The following ABCC9 variants were observed in gnomAD, a reference collection of about 807,000 sequenced individuals.
The protein encoded by ABCC9 is ATP-binding cassette sub-family C member 9.
In ABCC9, 95 loss-of-function variants were observed where a neutral mutation model predicts 188.3. That is an observed-to-expected ratio of 0.50 (90% CI 0.43 to 0.60). The LOEUF (loss-of-function observed/expected upper bound fraction) is 0.60. ABCC9 is among the 20% of genes least tolerant of loss of function. The pLI, the probability that ABCC9 is intolerant of heterozygous loss-of-function variation, is 0.00. For missense variants in ABCC9, 1,102 were observed against 1,876.3 expected (o/e 0.59, Z 7.62); for synonymous variants, 659 against 652.7 (o/e 1.01, Z -0.15).
At chr12:21,910,721 A>G (rs1227804140) in intron 9 of ABCC9, 105 bp downstream of exon 9, 2 of 1,028,586 alleles carry the variant, frequency 1.9e-6, no homozygotes, top group Non-Finnish European at 3.0e-6. Context: ...GTAATACCAA[A>G]ATGAAAATGG....
At chr12:21,918,382 C>T (rs189519733) in intron 5 of ABCC9, among the ~76,000 whole-genome samples, 1 of 152,026 alleles carries the variant, frequency 6.6e-6, no homozygotes, top group African/African-American at 2.4e-5. Flanking sequence ...CTTCTAACAT[C>T]TTCAGATTGT....
At chr12:21,803,926 T>C (rs1941661120) in intron 39 of ABCC9, among the ~76,000 whole-genome samples, 2 of 152,188 alleles carry the variant, frequency 1.3e-5, no homozygotes, top group African/African-American at 4.8e-5. Context: ...TAGTGGCAGC[T>C]AACCAAAGTA....
chr12:21,818,164 GAAGACCC>G lies in ABCC9; in HGVS notation c.3750_3756del (p.Leu1250PhefsTer7). On this transcript the variant is annotated frameshift_variant, in exon 32 of 40. Coordinates refer to ENST00000261200, the MANE Select transcript of ABCC9 (RefSeq NM_020297.4). LOFTEE classifies it high-confidence loss of function. The stretch of plus-strand genomic sequence containing the variant: ...TCCATACCTACCGTAAGTGCATACA[GAAGACCC>G]AAGCCTACCAATCCAGAATTCGAAG... 1 of 1,613,070 alleles carries G rather than the reference GAAGACCC, an allele frequency of 6.2e-7. No individual in the cohort carries two copies. Among genetic ancestry groups the G allele is most frequent in the Non-Finnish European group, 8.5e-7 (1 of 1,179,074 alleles).
intron 39 of ABCC9, among the ~76,000 whole-genome samples, chr12:21,804,320 A>C (rs1941692278): frequency 6.6e-6 from 1 of 152,212 alleles, no homozygotes; most frequent in Non-Finnish European, 1.5e-5. Flanking sequence ...ATACAGACTA[A>C]ATAGAACCAT....
intron 31 of ABCC9, among the ~76,000 whole-genome samples, chr12:21,826,344 C>G (rs908955915): frequency 6.6e-6 from 1 of 151,918 alleles, no homozygotes; most frequent in African/African-American, 2.4e-5. Context: ...ACCCTAGTCT[C>G]CAAGGTACTA....
At chr12:21,910,517 T>C (rs1029815610) in intron 9 of ABCC9, among the ~76,000 whole-genome samples, 1 of 151,906 alleles carries the variant, frequency 6.6e-6, no homozygotes, top group Non-Finnish European at 1.5e-5. Flanking sequence ...AATACAGACT[T>C]CCTTTTTTCT....
chr12:21,853,175 A>G (rs534401940), intron 22 of ABCC9, among the ~76,000 whole-genome samples: 2 of 152,104 alleles, frequency 1.3e-5, no homozygotes, highest in African/African-American at 4.8e-5. Flanking sequence ...TTAGCTGGGC[A>G]TGGTGTCGTG....
intron 4 of ABCC9, among the ~76,000 whole-genome samples, chr12:21,933,318 C>G (rs1291852756): frequency 6.6e-6 from 1 of 151,958 alleles, no homozygotes; most frequent in East Asian, 1.9e-4. Flanking sequence ...GTACAACAAA[C>G]CTCCGTGACT....
chr12:21,859,538 C>A (rs773786141), intron 22 of ABCC9, 48 bp downstream of exon 22: 1 of 1,567,262 alleles, frequency 6.4e-7, no homozygotes, highest in East Asian at 2.2e-5. Context: ...ACTCATTTGT[C>A]CAGATGGAAG....
intron 30 of ABCC9, among the ~76,000 whole-genome samples, chr12:21,830,577 T>C (rs908332132): frequency 2.0e-5 from 3 of 152,196 alleles, no homozygotes; most frequent in Non-Finnish European, 4.4e-5. Context: ...GAAGATATCC[T>C]GGGAGGGGTG....
chr12:21,931,820 C>G (rs1289346094), intron 4 of ABCC9, among the ~76,000 whole-genome samples: 2 of 152,130 alleles, frequency 1.3e-5, no homozygotes, highest in African/African-American at 4.8e-5. Context: ...CAGTTACCAA[C>G]AAGATAATAT....
At chr12:21,835,185 G>C (rs143292155) in intron 30 of ABCC9, among the ~76,000 whole-genome samples, 1 of 152,324 alleles carries the variant, frequency 6.6e-6, no homozygotes, top group Non-Finnish European at 1.5e-5. Context: ...AGATGTTGAA[G>C]TAAAGAGCCA....
chr12:21,872,823 A>G lies in ABCC9; in HGVS notation c.2093-93T>C. 3.0e-6 allele frequency: 3 copies of G among 996,912 alleles called. No individual in the cohort carries two copies. In the South Asian group the frequency reaches 3.8e-5, roughly 13 times the overall value. The allele number at this position is 996,912 out of a possible 1,614,324, so 61.8% of individuals were successfully genotyped here. Reference sequence around the variant, plus strand: ...ATTTAGAAAAAGCTAATGTTTTACAATCAATGGCCCAGTTTTGATCTCCAG... The same window carrying G: ...ATTTAGAAAAAGCTAATGTTTTACAGTCAATGGCCCAGTTTTGATCTCCAG... On this transcript the variant is annotated intron_variant, in intron 17 of 39. Transcript: ENST00000261200.
intron 36 of ABCC9, among the ~76,000 whole-genome samples, chr12:21,810,884 G>C (rs1037860121): frequency 3.3e-5 from 5 of 152,122 alleles, no homozygotes; most frequent in Admixed American, 6.5e-5. Flanking sequence ...TTACAATAAA[G>C]AGTAATTAGT....
At chr12:21,908,762 C>A (rs148475341) in intron 10 of ABCC9, among the ~76,000 whole-genome samples, 1 of 151,920 alleles carries the variant, frequency 6.6e-6, no homozygotes, top group Non-Finnish European at 1.5e-5. Flanking sequence ...GACAAGAAGG[C>A]TGACGGTAAC....
intron 31 of ABCC9, among the ~76,000 whole-genome samples, chr12:21,825,829 G>A (rs980114032): frequency 2.0e-5 from 3 of 151,982 alleles, no homozygotes; most frequent in Non-Finnish European, 4.4e-5. Flanking sequence ...GATGAGGTTC[G>A]GAGAACGTCC....
chr12:21,910,939 C>G lies in ABCC9; in HGVS notation c.1051G>C (p.Ala351Pro). 1 of 1,612,216 alleles carries G rather than the reference C, an allele frequency of 6.2e-7. No homozygotes were observed. The highest frequency in any genetic ancestry group is 8.5e-7 in the Non-Finnish European group (1 of 1,178,706). The change falls in exon 9 of 40, where the codon GCT becomes CCT. Residue 351 changes from alanine to proline, a missense_variant. Transcript: ENST00000261200. ...TLSSKEFLEN[A>P]YVLAVLLFLA... ...AAGAGAAGAACTGCTAGAACGTAAGCGTTTTCAAGAAATTCCTTTGATGAG... is the reference window on the plus strand; with the variant it reads ...AAGAGAAGAACTGCTAGAACGTAAGGGTTTTCAAGAAATTCCTTTGATGAG...
At chr12:21,865,199 T>G (rs1382102895) in intron 18 of ABCC9, among the ~76,000 whole-genome samples, 1 of 152,146 alleles carries the variant, frequency 6.6e-6, no homozygotes, top group Non-Finnish European at 1.5e-5. Context: ...TACAAATAAT[T>G]AAAGCCTACA....
At chr12:21,903,902 A>C (rs1318791716) in intron 12 of ABCC9, among the ~76,000 whole-genome samples, 2 of 152,320 alleles carry the variant, frequency 1.3e-5, no homozygotes, top group East Asian at 1.9e-4. Context: ...GCTACCAATG[A>C]CTTTCTTCAC....
Sources: allele counts gnomAD v4.1 joint callset (sites outside exome capture counted in the v4.1 genomes callset), GRCh38; gene constraint gnomAD v4.1.1; transcripts MANE v1.5; gene names NCBI Gene and HGNC (gene_info 2026-07-23, HGNC 2026-07-21).